LGR5: variants seen among roughly 807,000 people sequenced by gnomAD.
LGR5 encodes leucine-rich repeat-containing G protein-coupled receptor 5.
In LGR5, 54 loss-of-function variants were observed where a neutral mutation model predicts 76.7. That is an observed-to-expected ratio of 0.70 (90% CI 0.57 to 0.88). The LOEUF is 0.88. Among genes scored for constraint, LGR5 ranks in the 40% least tolerant of loss-of-function variants. The probability of loss-of-function intolerance (pLI) is 0.00; values close to 1 mark genes in which losing one functional copy is unlikely to be tolerated. For synonymous variants in LGR5, 406 were observed against 421.9 expected, an observed-to-expected ratio of 0.96 and a Z score of 0.46; for missense variants, 1,078 against 1,073.3, an observed-to-expected ratio of 1.00 and a Z score of -0.06.
chr12:71,555,562 C>A (rs192450032), intron 5 of LGR5, among the ~76,000 whole-genome samples: 1 of 152,180 alleles, frequency 6.6e-6, no homozygotes, highest in African/African-American at 2.4e-5. Context: ...TTCCTGTTGA[C>A]CTGTGCTCCC....
chr12:71,513,361 T>A (rs1410966310), intron 2 of LGR5, among the ~76,000 whole-genome samples: 2 of 152,210 alleles, frequency 1.3e-5, no homozygotes, highest in African/African-American at 2.4e-5. Context: ...TGATAGCCAA[T>A]GCCTCAAGTG....
intron 1 of LGR5, among the ~76,000 whole-genome samples, chr12:71,496,096 G>C (rs942130058): frequency 6.6e-6 from 1 of 152,140 alleles, no homozygotes; most frequent in Non-Finnish European, 1.5e-5. Context: ...AAAAAGCCAG[G>C]CAAGGTGGCT....
chr12:71,496,370 CAAAAAAAAAAAAAAA>C (rs67593850), intron 1 of LGR5, among the ~76,000 whole-genome samples: 1 of 99,574 alleles, frequency 1.0e-5, no homozygotes, highest in Non-Finnish European at 1.8e-5. Flanking sequence ...TCCATCTCAA[CAAAAAAAAAAAAAAA>C]AAAAAAAGAG....
intron 14 of LGR5, among the ~76,000 whole-genome samples, chr12:71,578,356 G>A (rs975865670): frequency 3.9e-5 from 6 of 151,914 alleles, no homozygotes; most frequent in African/African-American, 1.2e-4. Flanking sequence ...TTCCCCCCAC[G>A]CCAACTTCCC....
At chr12:71,534,167 G>T (rs1876466823) in intron 3 of LGR5, among the ~76,000 whole-genome samples, 1 of 16,294 alleles carries the variant, frequency 6.1e-5, no homozygotes, top group Non-Finnish European at 1.6e-3. Flanking sequence ...CAAAATACTG[G>T]GAGAAAAAAA....
intron 6 of LGR5, among the ~76,000 whole-genome samples, chr12:71,558,144 A>G (rs935782156): frequency 6.6e-6 from 1 of 152,174 alleles, no homozygotes; most frequent in Non-Finnish European, 1.5e-5. Context: ...AATGGCATAG[A>G]CAAGCAGTTC....
chr12:71,540,622 AAG>A (rs1876828611), intron 4 of LGR5, among the ~76,000 whole-genome samples: 1 of 152,144 alleles, frequency 6.6e-6, no homozygotes, highest in Non-Finnish European at 1.5e-5. Context: ...GTAGTCAAAA[AAG>A]AGAGAGAAAA....
At chr12:71,520,945 T>C (rs1875699357) in intron 2 of LGR5, among the ~76,000 whole-genome samples, 1 of 152,186 alleles carries the variant, frequency 6.6e-6, no homozygotes, top group South Asian at 2.1e-4. Context: ...CACATACAAA[T>C]GTTTAAAATA....
intron 1 of LGR5, among the ~76,000 whole-genome samples, chr12:71,498,029 AGAGAAAAGAAG>A (rs1296692979): frequency 2.6e-5 from 4 of 152,318 alleles, no homozygotes; most frequent in South Asian, 4.1e-4. Context: ...ATAAGAAGAA[AGAGAAAAGAAG>A]GAGAAAAGAA....
intron 5 of LGR5, among the ~76,000 whole-genome samples, chr12:71,555,422 G>T (rs1877708508): frequency 6.6e-6 from 1 of 152,076 alleles, no homozygotes; most frequent in African/African-American, 2.4e-5. Context: ...GTTCTCACTG[G>T]CTCTGACCTA....
chr12:71,539,779 A>G (rs1348189509), intron 4 of LGR5, among the ~76,000 whole-genome samples: 2 of 152,114 alleles, frequency 1.3e-5, no homozygotes, highest in African/African-American at 4.8e-5. Context: ...TACCCAGGCC[A>G]CTTGTGTTCT....
chr12:71,514,915 T>C (rs1875363046), intron 2 of LGR5, among the ~76,000 whole-genome samples: 1 of 152,194 alleles, frequency 6.6e-6, no homozygotes, highest in Non-Finnish European at 1.5e-5. Flanking sequence ...AGGAAAGATA[T>C]TTTTTCTCAA....
chr12:71,505,850 T>C (rs1253006986), intron 2 of LGR5, among the ~76,000 whole-genome samples: 1 of 152,188 alleles, frequency 6.6e-6, no homozygotes, highest in African/African-American at 2.4e-5. Flanking sequence ...GAAGGTTTTG[T>C]CATTCATGGA....
chr12:71,576,770 C>T (rs1403670540), intron 13 of LGR5, among the ~76,000 whole-genome samples: 2 of 152,154 alleles, frequency 1.3e-5, no homozygotes, highest in Admixed American at 6.5e-5. Flanking sequence ...GTGAAGCTCT[C>T]CCAGGGCACC....
At chr12:71,487,068 G>C (rs981702326) in intron 1 of LGR5, among the ~76,000 whole-genome samples, 2 of 152,148 alleles carry the variant, frequency 1.3e-5, no homozygotes, top group Non-Finnish European at 2.9e-5. Flanking sequence ...TGTCACACAA[G>C]ATGAACAACC....
At chr12:71,524,206 A>C (rs756570463) in intron 2 of LGR5, among the ~76,000 whole-genome samples, 200 bp from the exon 3 acceptor site, 11 of 152,210 alleles carry the variant, frequency 7.2e-5, no homozygotes, top group Non-Finnish European at 1.2e-4. Context: ...AATTTATTAC[A>C]TTTCTTTTTA....
intron 1 of LGR5, among the ~76,000 whole-genome samples, chr12:71,453,270 AG>A (rs1346326990): frequency 6.6e-6 from 1 of 152,190 alleles, no homozygotes; most frequent in Non-Finnish European, 1.5e-5. Context: ...GTTTTAAATG[AG>A]GTTTCATATT....
chr12:71,584,504 G>A lies in LGR5; in HGVS notation c.2494G>A (p.Val832Met). The A allele has an allele frequency of 6.2e-7, 1 of 1,614,114 alleles. No homozygotes were observed. The highest frequency in any genetic ancestry group is 1.1e-5 in the South Asian group (1 of 91,082). ...LFNPHFKEDL[V>M]SLRKQTYVWT... ...CAATCCTCACTTTAAGGAGGATCTG[G>A]TGAGCCTGAGAAAGCAAACCTACGT... The change falls in exon 18 of 18, where the codon GTG (valine) becomes ATG (methionine). Residue 832 changes from valine to methionine, a missense_variant. Physicochemically the swap from Val to Met is conservative, Grantham distance 21 (BLOSUM62 1). Transcript: ENST00000266674.
At chr12:71,466,434 T>C (rs1014474481) in intron 1 of LGR5, among the ~76,000 whole-genome samples, 1 of 152,164 alleles carries the variant, frequency 6.6e-6, no homozygotes, top group African/African-American at 2.4e-5. Context: ...TGGTGTAAAG[T>C]TGTGAGAATA....
Sources: allele counts gnomAD v4.1 joint callset (sites outside exome capture counted in the v4.1 genomes callset), GRCh38; gene constraint gnomAD v4.1.1; transcripts MANE v1.5; gene names NCBI Gene and HGNC (gene_info 2026-07-23, HGNC 2026-07-21).